MLST8: variants seen among roughly 807,000 people sequenced by gnomAD.
MLST8 encodes the protein target of rapamycin complex subunit LST8.
A neutral mutation model predicts 41.3 loss-of-function variants in MLST8; 20 were observed. The ratio of observed to expected loss-of-function variants is 0.48; its 90% CI spans 0.34 to 0.70. The LOEUF (loss-of-function observed/expected upper bound fraction) is 0.70. Among genes scored for constraint, MLST8 ranks in the 30% least tolerant of loss-of-function variants. The pLI, the probability that MLST8 is intolerant of heterozygous loss-of-function variation, is 0.01. For missense variants in MLST8, 422 were observed against 454.3 expected, an observed-to-expected ratio of 0.93 and a Z score of 0.65; for synonymous variants, 243 against 183.0, an observed-to-expected ratio of 1.33 and a Z score of -2.65.
In MLST8 at chr16:2,205,938, G is replaced by A. The variant is rs1011778301; in HGVS notation, c.-55-93G>A. ...CGCTTCTTGTCCCAACTCTAAAATG[G>A]GAATGATAAGCGCCATTCGGCAGCG... On this transcript the variant is annotated intron_variant, in intron 1 of 8. Coordinates refer to ENST00000569417, the MANE Select transcript of MLST8 (RefSeq NM_022372.6). The A allele has an allele frequency of 1.4e-5, 21 of 1,448,926 alleles. No individual in the cohort carries two copies. In the African/African-American group the frequency reaches 2.3e-4, roughly 16 times the overall value. The allele number at this position is 1,448,926 out of a possible 1,614,324, so 89.8% of individuals were successfully genotyped here. A position where few individuals can be genotyped will look rare whatever the true frequency, so the allele number is the denominator to read the frequency against.
rs1027354299 is a variant in MLST8, at chr16:2,207,670, T to A, written c.573+325T>A. ...CTCTGAGGCTTCCTTTCCCCCTCCC[T>A]GACCTCCCCTGGCCCCTGACACGTT... On this transcript the variant is annotated intron_variant, in intron 6 of 8. Coordinates refer to ENST00000569417, the MANE Select transcript of MLST8 (RefSeq NM_022372.6). 5 of 389,540 alleles carry A rather than the reference T, an allele frequency of 1.3e-5. No individual in the cohort carries two copies. The South Asian group carries it at 1.5e-4, about 11-fold the overall frequency. 24.1% of individuals were successfully genotyped at this position (389,540 alleles called of 1,614,324 possible).
At position 2,208,628 on chromosome 16, in the gene MLST8, G is replaced by A; in HGVS notation, c.862+15G>A. On this transcript the variant is annotated intron_variant, in intron 8 of 8. Coordinates refer to ENST00000569417, the MANE Select transcript of MLST8 (RefSeq NM_022372.6). Reference sequence around the variant, plus strand: ...CATCGTCACTGGTGAGCCCCGCCCTGGCCTCCCCCATCCCTGGCCCCCGGC... The same window carrying A: ...CATCGTCACTGGTGAGCCCCGCCCTAGCCTCCCCCATCCCTGGCCCCCGGC... 1 of 1,611,828 alleles carries A rather than the reference G, an allele frequency of 6.2e-7. No individual in the cohort carries two copies. Among genetic ancestry groups the A allele is most frequent in the Non-Finnish European group, 8.5e-7 (1 of 1,179,274 alleles).
Position 2,206,209 on chromosome 16 carries a change from G to A in MLST8, c.124G>A (p.Asp42Asn). 6.2e-7 allele frequency: 1 copy of A among 1,607,726 alleles called. No homozygotes were observed. The highest frequency in any genetic ancestry group is 1.7e-4 in the Middle Eastern group (1 of 6,056). ...GICTRTVQHQ[D>N]SQVNALEVTP... Reference sequence around the variant, plus strand: ...CTGCACCCGGACGGTGCAGCACCAGGACTCCGTATCCTCCACCCGGGGCGG... The same window carrying A: ...CTGCACCCGGACGGTGCAGCACCAGAACTCCGTATCCTCCACCCGGGGCGG... The change falls in exon 2 of 9, where the codon GAC becomes AAC. Residue 42 changes from aspartate to asparagine, a missense_variant. By Grantham distance (23) the Asp-to-Asn change is conservative. Coordinates refer to ENST00000569417, the MANE Select transcript of MLST8 (RefSeq NM_022372.6).
chr16:2,209,246 C>T lies in MLST8; in HGVS notation c.*369C>T. 1.0e-6 allele frequency: 1 copy of T among 991,406 alleles called. No homozygotes were observed. The highest frequency in any genetic ancestry group is 2.3e-5 in the Admixed American group (1 of 42,832). The allele number at this position is 991,406 out of a possible 1,614,324, so 61.4% of individuals were successfully genotyped here. A position where few individuals can be genotyped will look rare whatever the true frequency, so the allele number is the denominator to read the frequency against. On this transcript the variant is annotated 3_prime_UTR_variant, in exon 9 of 9. Coordinates refer to ENST00000569417, the MANE Select transcript of MLST8 (RefSeq NM_022372.6). ...GGCCTCGGTCCATAGAGAACACCAC[C>T]ACCATGGCCAGGTGGAAGGGTTTAT...
rs371914671 is a variant in MLST8, at chr16:2,209,356, G to A, written c.*479G>A. On this transcript the variant is annotated 3_prime_UTR_variant, in exon 9 of 9. Coordinates refer to ENST00000569417, the MANE Select transcript of MLST8 (RefSeq NM_022372.6). ...GGGACGGGCCAGGCTGGGCCAGGTC[G>A]GGGGCTCAGTCTGGGAGGTAATAAA... 81 of 1,608,380 alleles carry A rather than the reference G, an allele frequency of 5.0e-5. No individual in the cohort carries two copies. Among genetic ancestry groups the A allele is most frequent in the African/African-American group, 8.0e-5 (6 of 74,984 alleles).
In MLST8 at chr16:2,208,092, G is replaced by A. The variant is rs1294454908; in HGVS notation, c.574-118G>A. 8 of 1,256,382 alleles carry A rather than the reference G, an allele frequency of 6.4e-6. No individual in the cohort carries two copies. In the East Asian group the frequency reaches 1.0e-4, roughly 16 times the overall value. The allele number at this position is 1,256,382 out of a possible 1,614,324, so 77.8% of individuals were successfully genotyped here. On this transcript the variant is annotated intron_variant, in intron 6 of 8. Coordinates refer to ENST00000569417, the MANE Select transcript of MLST8 (RefSeq NM_022372.6). ...CAGGCAGGACCAGAGGGGCCTGCCT[G>A]CCCCTCACCCGGGGTCCCCATGCAC...
chr16:2,206,653 A>G lies in MLST8; in HGVS notation c.338A>G (p.Asp113Gly), dbSNP rs752857010. The G allele has an allele frequency of 6.2e-7, 1 of 1,611,556 alleles. No homozygotes were observed. Among genetic ancestry groups the G allele is most frequent in the Non-Finnish European group, 8.5e-7 (1 of 1,179,566 alleles). The stretch of plus-strand genomic sequence containing the variant: ...GAGGACTGCACAGCCAGGATCTGGG[A>G]CCTCAGGTGCGGTGGGGAGGGGGCG... ...GGEDCTARIW[D>G]LRSRNLQCQR... is the part of the protein sequence containing the mutation. Residue 113 changes from aspartate to glycine, a missense_variant, in exon 4 of 9, where the codon GAC (aspartate) becomes GGC (glycine). By Grantham distance (94) the Asp-to-Gly change is moderately conservative. Transcript: ENST00000569417.
chr16:2,206,533 A>G lies in MLST8; in HGVS notation c.218A>G (p.Asn73Ser), dbSNP rs1167456568. The change falls in exon 4 of 9, where the codon AAT becomes AGT. Residue 73 changes from asparagine to serine, a missense_variant. Transcript: ENST00000569417. ...QHIRMYDLNSNNPNPIISYDG... is the reference protein window; with the variant it reads ...QHIRMYDLNSSNPNPIISYDG... ...ATCCGCATGTATGATCTCAACTCCA[A>G]TAACCCTAACCCCATCATCAGCTAC... is the stretch of plus-strand genomic sequence containing the variant. 6.2e-6 allele frequency: 10 copies of G among 1,613,070 alleles called. No homozygotes were observed. The highest frequency in any genetic ancestry group is 2.7e-5 in the African/African-American group (2 of 74,880).
In MLST8 at chr16:2,206,352, T is replaced by C. The variant is rs758842294; in HGVS notation, c.130-6T>C. 6.2e-7 allele frequency: 1 copy of C among 1,613,918 alleles called. No homozygotes were observed. The highest frequency in any genetic ancestry group is 1.1e-5 in the South Asian group (1 of 91,080). On this transcript the variant is annotated splice_polypyrimidine_tract_variant and splice_region_variant and intron_variant, in intron 2 of 8. Transcript: ENST00000569417. ...ACCTTCCCGTCATCCTCCTTAACAGTCCCAGCAGGTGAATGCCTTGGAGGT... is the reference window on the plus strand; with the variant it reads ...ACCTTCCCGTCATCCTCCTTAACAGCCCCAGCAGGTGAATGCCTTGGAGGT...
chr16:2,209,261 G>A lies in MLST8; in HGVS notation c.*384G>A. ...AGAACACCACCACCATGGCCAGGTG[G>A]AAGGGTTTATTAGTCCCTGCCAGCA... On this transcript the variant is annotated 3_prime_UTR_variant, in exon 9 of 9. Coordinates refer to ENST00000569417, the MANE Select transcript of MLST8 (RefSeq NM_022372.6). 9.0e-7 allele frequency: 1 copy of A among 1,116,392 alleles called. No individual in the cohort carries two copies. 69.2% of individuals were successfully genotyped at this position (1,116,392 alleles called of 1,614,324 possible). A position where few individuals can be genotyped will look rare whatever the true frequency, so the allele number is the denominator to read the frequency against.
rs1307512507 is a variant in MLST8 at position 2,206,143 on chromosome 16, T to C, written c.58T>C (p.Tyr20His). Residue 20 changes from tyrosine (Y) to histidine (H), a missense_variant, in exon 2 of 9, where the codon TAC (tyrosine) becomes CAC (histidine). Transcript: ENST00000569417. ...CCCGGTCATCCTGGCCACTGCAGGCTACGACCACACCGTGCGCTTCTGGCA... is the reference window on the plus strand; with the variant it reads ...CCCGGTCATCCTGGCCACTGCAGGCCACGACCACACCGTGCGCTTCTGGCA... ...SDPVILATAG[Y>H]DHTVRFWQAH... is the part of the protein sequence containing the mutation. 6.2e-7 allele frequency: 1 copy of C among 1,612,104 alleles called. No homozygotes were observed. The highest frequency in any genetic ancestry group is 2.2e-5 in the East Asian group (1 of 44,844).
In MLST8 at chr16:2,206,620, C is replaced by T. The variant is rs975191408; in HGVS notation, c.305C>T (p.Thr102Met). Residue 102 changes from threonine (T) to methionine (M), a missense_variant, in exon 4 of 9, where the codon ACG becomes ATG. Coordinates refer to ENST00000569417, the MANE Select transcript of MLST8 (RefSeq NM_022372.6). The stretch of plus-strand genomic sequence containing the variant: ...CACGAAGACGGCCGCTGGATGTACA[C>T]GGGCGGCGAGGACTGCACAGCCAGG... ...GFHEDGRWMY[T>M]GGEDCTARIW... The T allele has an allele frequency of 1.3e-6, 2 of 1,598,014 alleles. No homozygotes were observed. The highest frequency in any genetic ancestry group is 1.7e-6 in the Non-Finnish European group (2 of 1,170,732).
At chr16:2,205,874 A>C (rs1384302163) in intron 1 of MLST8, 157 bp from the exon 2 acceptor site, 1 of 1,359,186 alleles carries the variant, frequency 7.4e-7, no homozygotes. Context: ...CCCCGGAGCC[A>C]GGTATCACGC....
rs111384111 is a variant in MLST8, at chr16:2,209,409, G to C, written c.*532G>C. 6.2e-7 allele frequency: 1 copy of C among 1,613,858 alleles called. No homozygotes were observed. The highest frequency in any genetic ancestry group is 2.2e-5 in the East Asian group (1 of 44,884). On this transcript the variant is annotated 3_prime_UTR_variant, in exon 9 of 9. Transcript: ENST00000569417. ...CAGACCGACACGCAGATGTTGCTCGGGAAGCAGATGTCGATGCAGAGATAA... is the reference window on the plus strand; with the variant it reads ...CAGACCGACACGCAGATGTTGCTCGCGAAGCAGATGTCGATGCAGAGATAA...
At chr16:2,205,628 C>A in intron 1 of MLST8, 116 bp downstream of exon 1, 1 of 962,258 alleles carries the variant, frequency 1.0e-6, no homozygotes, top group Non-Finnish European at 1.2e-6. Flanking sequence ...GAAAGGGGAG[C>A]TCGGGGGTCC....
chr16:2,205,808 G>C (rs1019421496), intron 1 of MLST8: 2 of 1,118,844 alleles, frequency 1.8e-6, no homozygotes, highest in East Asian at 5.3e-5. Flanking sequence ...GGAGGTGGGG[G>C]GGGGACGGCG....
Position 2,208,939 on chromosome 16 carries a change from C to T in MLST8, c.*62C>T. 2 of 1,572,744 alleles carry T rather than the reference C, an allele frequency of 1.3e-6. No individual in the cohort carries two copies. The highest frequency in any genetic ancestry group is 1.7e-6 in the Non-Finnish European group (2 of 1,151,276). On this transcript the variant is annotated 3_prime_UTR_variant, in exon 9 of 9. Coordinates refer to ENST00000569417, the MANE Select transcript of MLST8 (RefSeq NM_022372.6). ...GCAGCTGGAGGGACCCATGCAGCAC[C>T]CAGGTCAGAGCAGACCCTCCCCTGC...
Position 2,208,653 on chromosome 16 carries a change from C to T in MLST8, c.862+40C>T, listed in dbSNP as rs778040684. ...GGCCTCCCCCATCCCTGGCCCCCGG[C>T]GCTGGCCTCCAGAGCCAGCCCACCT... On this transcript the variant is annotated intron_variant, in intron 8 of 8. Transcript: ENST00000569417. 144 of 1,612,080 alleles carry T rather than the reference C, an allele frequency of 8.9e-5. 2 individuals carry two copies. Among genetic ancestry groups the T allele is most frequent in the South Asian group, 7.9e-4 (72 of 91,020 alleles).
rs952355559 is a variant in MLST8, at chr16:2,205,823, C to T, written c.-55-208C>T. On this transcript the variant is annotated intron_variant, in intron 1 of 8. Transcript: ENST00000569417. ...GGAGGTGGGGGGGGGACGGCGCCCCCGCCGTGTGCGTGGGGCGGGGATGGA... is the reference window on the plus strand; with the variant it reads ...GGAGGTGGGGGGGGGACGGCGCCCCTGCCGTGTGCGTGGGGCGGGGATGGA... 6 of 1,169,092 alleles carry T rather than the reference C, an allele frequency of 5.1e-6. No individual in the cohort carries two copies. The African/African-American group carries it at 8.0e-5, about 16-fold the overall frequency. 72.4% of individuals were successfully genotyped at this position (1,169,092 alleles called of 1,614,324 possible).
Sources: allele counts gnomAD v4.1 joint callset, GRCh38; gene constraint gnomAD v4.1.1; transcripts MANE v1.5; gene names NCBI Gene and HGNC (gene_info 2026-07-23, HGNC 2026-07-21).